The following CLEC2L variants were observed in gnomAD, a reference collection of about 807,000 sequenced individuals.
CLEC2L encodes the protein C-type lectin domain family 2 member L, also known as C-type lectin domain family 2, member L.
In CLEC2L, 14 loss-of-function variants were observed where a neutral mutation model predicts 23.6. The observed-to-expected ratio is 0.59, with a 90% CI of 0.39 to 0.93. The LOEUF is 0.93. Ranked by LOEUF, CLEC2L falls within the 40% of genes least tolerant of loss-of-function variation. The pLI is 0.00. For synonymous variants in CLEC2L, 114 were observed against 121.3 expected, an observed-to-expected ratio of 0.94 and a Z score of 0.40; for missense variants, 264 against 282.4, an observed-to-expected ratio of 0.93 and a Z score of 0.47.
chr7:139,533,827 TC>T (rs1185848634), intron 1 of CLEC2L, among the ~76,000 whole-genome samples: 6 of 152,206 alleles, frequency 3.9e-5, no homozygotes, highest in African/African-American at 1.4e-4. Context: ...TACAGATTCT[TC>T]CTCTCAATTT....
chr7:139,533,903 T>C (rs1797616157), intron 1 of CLEC2L, among the ~76,000 whole-genome samples: 1 of 152,148 alleles, frequency 6.6e-6, no homozygotes, highest in Non-Finnish European at 1.5e-5. Flanking sequence ...AGAGGCACTG[T>C]TTTCATCTAT....
At chr7:139,535,096 G>A (rs10244543) in intron 1 of CLEC2L, among the ~76,000 whole-genome samples, 17,978 of 152,122 alleles carry the variant, frequency 0.12, 2,304 homozygotes, top group African/African-American at 0.32. Context: ...TCATAGCTGC[G>A]TTATTCACAA....
In CLEC2L at chr7:139,523,942, G is replaced by A. The variant is rs1797466653; in HGVS notation, c.15G>A (p.Arg5=). 2.1e-6 allele frequency: 2 copies of A among 974,786 alleles called. No individual in the cohort carries two copies. Among genetic ancestry groups the A allele is most frequent in the African/African-American group, 1.8e-5 (1 of 56,364 alleles). The allele number at this position is 974,786 out of a possible 1,614,324, so 60.4% of individuals were successfully genotyped here. Residue 5 remains arginine, a synonymous_variant, in exon 1 of 5, where the codon CGG becomes CGA. Coordinates refer to ENST00000422142, the MANE Select transcript of CLEC2L (RefSeq NM_001080511.4). The surrounding 1 kb of genome is among the most constrained non-coding windows in gnomAD (Gnocchi z 4.1). MEPA[R]EPPSRARPPP... ...GAGCGCCCCGCATGGAGCCGGCCCG[G>A]GAGCCCCCCTCGCGGGCCCGGCCGC...
intron 1 of CLEC2L, among the ~76,000 whole-genome samples, chr7:139,530,235 G>T (rs58025717): frequency 1.1e-4 from 16 of 151,986 alleles, no homozygotes; most frequent in African/African-American, 3.9e-4. Flanking sequence ...TTTTTAAAAG[G>T]CCATAAGGAC....
At chr7:139,532,308 T>C (rs569620184) in intron 1 of CLEC2L, among the ~76,000 whole-genome samples, 2 of 152,260 alleles carry the variant, frequency 1.3e-5, no homozygotes, top group South Asian at 4.2e-4. Flanking sequence ...TGCAGTGCAG[T>C]GGTTTTGCTC....
At chr7:139,528,849 T>C (rs539631923) in intron 1 of CLEC2L, among the ~76,000 whole-genome samples, 1 of 152,126 alleles carries the variant, frequency 6.6e-6, no homozygotes, top group Admixed American at 6.5e-5. Flanking sequence ...GGAAGCATGG[T>C]CCAGTGCAGC....
In CLEC2L at chr7:139,544,321, C is replaced by T; in HGVS notation, c.624C>T (p.Cys208=). ...GTCTGATGACCCGGCCCTGGGTGTG[C>T]AGCAAGATGGCCTATACTTGAGGTG... ...TECLMTRPWV[C]SKMAYT is the part of the protein sequence containing the mutation. Residue 208 remains cysteine, a synonymous_variant, in exon 5 of 5, where the codon TGC becomes TGT. Coordinates refer to ENST00000422142, the MANE Select transcript of CLEC2L (RefSeq NM_001080511.4). The T allele has an allele frequency of 6.2e-7, 1 of 1,612,390 alleles. No homozygotes were observed. The highest frequency in any genetic ancestry group is 8.5e-7 in the Non-Finnish European group (1 of 1,179,124).
In CLEC2L at chr7:139,539,356, G is replaced by C. The variant is rs550438086; in HGVS notation, c.266-965G>C. The C allele has an allele frequency of 1.3e-5, 2 of 152,306 alleles. No individual in the cohort carries two copies. The highest frequency in any genetic ancestry group is 2.1e-4 in the South Asian group (1 of 4,828). 9.4% of individuals were successfully genotyped at this position (152,306 alleles called of 1,614,324 possible). ...GTTATTTTCACATGTTCTGACACTG[G>C]GGGAGACCTGGCTTAGAATCAGATC... On this transcript the variant is annotated intron_variant, in intron 2 of 4. Transcript: ENST00000422142. This position sits in a 1 kb window ranked among gnomAD's most constrained non-coding sequence, Gnocchi z 4.1.
At chr7:139,531,280 T>G (rs1279954253) in intron 1 of CLEC2L, among the ~76,000 whole-genome samples, 2 of 152,200 alleles carry the variant, frequency 1.3e-5, no homozygotes. Flanking sequence ...AGTCATATCT[T>G]CAGAGAGAAG....
At position 139,523,827 on chromosome 7, in the gene CLEC2L, G is replaced by GCCGCCGCCGCC; in HGVS notation, c.-99_-98insGCCGCCGCCCC. 1.3e-6 allele frequency: 1 copy of GCCGCCGCCGCC among 798,618 alleles called. No individual in the cohort carries two copies. Among genetic ancestry groups the GCCGCCGCCGCC allele is most frequent in the Non-Finnish European group, 1.5e-6 (1 of 661,692 alleles). The allele number at this position is 798,618 out of a possible 1,614,324, so 49.5% of individuals were successfully genotyped here. ...CGCGGTCCTAGCCCACCCGAGGCCGGCCTGGGGGGCCCGCAGGGCGCGCGG... is the reference window on the plus strand; with the variant it reads ...CGCGGTCCTAGCCCACCCGAGGCCGGCCGCCGCCGCCCCTGGGGGGCCCGCAGGGCGCGCGG... On this transcript the variant is annotated 5_prime_UTR_variant, in exon 1 of 5. Coordinates refer to ENST00000422142, the MANE Select transcript of CLEC2L (RefSeq NM_001080511.4). This position sits in a 1 kb window ranked among gnomAD's most constrained non-coding sequence, Gnocchi z 4.1.
intron 4 of CLEC2L, among the ~76,000 whole-genome samples, chr7:139,543,841 G>A (rs1231049780): frequency 6.6e-6 from 1 of 152,196 alleles, no homozygotes; most frequent in Non-Finnish European, 1.5e-5. Context: ...GGACAGACAG[G>A]TAGAGGCCCC....
intron 1 of CLEC2L, among the ~76,000 whole-genome samples, chr7:139,534,014 A>C (rs78371562): frequency 0.011 from 1,653 of 152,352 alleles, 32 homozygotes; most frequent in African/African-American, 0.037. Flanking sequence ...GGTAAAAAAA[A>C]ATCCAAACAA....
At chr7:139,528,596 C>G (rs116778141) in intron 1 of CLEC2L, among the ~76,000 whole-genome samples, 7 of 152,118 alleles carry the variant, frequency 4.6e-5, no homozygotes, top group Non-Finnish European at 8.8e-5. Context: ...AAAACCTGCC[C>G]CCATGATTCA....
At chr7:139,534,351 A>G (rs1474297379) in intron 1 of CLEC2L, 8 of 1,077,066 alleles carry the variant, frequency 7.4e-6, no homozygotes, top group Non-Finnish European at 1.2e-5. Context: ...AAATGTATGA[A>G]GACATGTGAA....
At position 139,542,070 on chromosome 7, in the gene CLEC2L, G is replaced by A; in HGVS notation, c.482G>A (p.Arg161Lys). ...TRREPWIGLRRVGDEFHWVNG... is the reference protein window; with the variant it reads ...TRREPWIGLRKVGDEFHWVNG... ...AGGGAGCCCTGGATTGGACTACGCAGAGTTGGGGACGAATTCCACTGGGTC... is the reference window on the plus strand; with the variant it reads ...AGGGAGCCCTGGATTGGACTACGCAAAGTTGGGGACGAATTCCACTGGGTC... The change falls in exon 4 of 5, where the codon AGA becomes AAA. Residue 161 changes from arginine (R) to lysine (K), a missense_variant. Transcript: ENST00000422142. The A allele has an allele frequency of 6.2e-7, 1 of 1,613,252 alleles. No homozygotes were observed. The highest frequency in any genetic ancestry group is 8.5e-7 in the Non-Finnish European group (1 of 1,179,642).
At chr7:139,535,306 G>T (rs552378865) in intron 1 of CLEC2L, among the ~76,000 whole-genome samples, 21 of 152,236 alleles carry the variant, frequency 1.4e-4, no homozygotes, top group Non-Finnish European at 2.2e-4. Flanking sequence ...TCTTATATGA[G>T]ATTCCTAGAG....
intron 3 of CLEC2L, 44 bp from the exon 4 acceptor site, chr7:139,541,977 G>C (rs780560237): frequency 7.5e-6 from 10 of 1,335,096 alleles, no homozygotes; most frequent in South Asian, 5.0e-5. Flanking sequence ...CAGCAGTCAG[G>C]AGACCGCATC....
chr7:139,524,026 C>G lies in CLEC2L; in HGVS notation c.99C>G (p.Pro33=). The change falls in exon 1 of 5, where the codon CCC becomes CCG. Residue 33 remains proline (P), a synonymous_variant. Transcript: ENST00000422142. ...CCGCCGCCCCCAGGCCGCGTTCGCC[C>G]GCAGAGGCTGAGGCCCGCGGCCCCG... ...PAPAAPRPRS[P]AEAEARGPEG... is the part of the protein sequence containing the mutation. 2 of 1,174,346 alleles carry G rather than the reference C, an allele frequency of 1.7e-6. No homozygotes were observed. The highest frequency in any genetic ancestry group is 2.1e-6 in the Non-Finnish European group (2 of 950,250). 72.7% of individuals were successfully genotyped at this position (1,174,346 alleles called of 1,614,324 possible). A position where few individuals can be genotyped will look rare whatever the true frequency, so the allele number is the denominator to read the frequency against.
intron 1 of CLEC2L, among the ~76,000 whole-genome samples, chr7:139,527,684 G>A (rs1196275934): frequency 4.6e-5 from 7 of 152,130 alleles, no homozygotes; most frequent in Non-Finnish European, 1.0e-4. Context: ...GGGGCAGAGT[G>A]GCCTGGGGGT....
Sources: gnomAD v4.1 joint callset for allele counts (sites outside exome capture counted in the v4.1 genomes callset) on GRCh38, gnomAD v4.1.1 for gene constraint, Gnocchi (gnomAD v3.1) non-coding constraint, MANE v1.5 for transcripts, NCBI Gene and HGNC (gene_info 2026-07-23, HGNC 2026-07-21) for gene names.